The following CDHR2 variants were observed in gnomAD, a reference collection of about 807,000 sequenced individuals.
CDHR2 encodes cadherin related family member 2.
Under a neutral mutation model 138.6 loss-of-function variants are expected in CDHR2, and 104 were observed. The observed-to-expected ratio is 0.75, with a 90% CI of 0.64 to 0.88. The LOEUF is 0.88. Among genes scored for constraint, CDHR2 ranks in the 40% least tolerant of loss-of-function variants. CDHR2 has a pLI of 0.00. For missense variants in CDHR2, 1,624 were observed against 1,727.6 expected, an observed-to-expected ratio of 0.94 and a Z score of 1.06; for synonymous variants, 755 against 742.8, an observed-to-expected ratio of 1.02 and a Z score of -0.27.
rs768830867 is a variant in CDHR2 at position 176,578,530 on chromosome 5, C to T, written c.1740C>T (p.Asn580=). 9 of 1,614,168 alleles carry T rather than the reference C, an allele frequency of 5.6e-6. No individual in the cohort carries two copies. The highest frequency in any genetic ancestry group is 1.6e-4 in the Middle Eastern group (1 of 6,062). Residue 580 remains asparagine (N), a synonymous_variant, in exon 16 of 32, where the codon AAC becomes AAT. Transcript: ENST00000261944. Reference sequence around the variant, plus strand: ...TGCAGATCCACCTGCTGGACATCAACGACAATGCACCCGTGGTTAGCGGCT... The same window carrying T: ...TGCAGATCCACCTGCTGGACATCAATGACAATGCACCCGTGGTTAGCGGCT... ...TTLQIHLLDI[N]DNAPVVSGSY...
Position 176,584,809 on chromosome 5 carries a change from A to G in CDHR2, c.2528A>G (p.Glu843Gly), listed in dbSNP as rs1193878835. ...GATGTGGACACCAGTGCCCAGCTGG[A>G]GATACAGCTTGTGAACATTCTCTGC... The part of the protein sequence containing the change: ...ASDVDTSAQL[E>G]IQLVNILCTK... The change falls in exon 19 of 32, where the codon GAG (glutamate) becomes GGG (glycine). Residue 843 changes from glutamate to glycine, a missense_variant. By Grantham distance (98) the Glu-to-Gly change is moderately conservative. Coordinates refer to ENST00000261944, the MANE Select transcript of CDHR2 (RefSeq NM_017675.6). 1 of 1,614,096 alleles carries G rather than the reference A, an allele frequency of 6.2e-7. No homozygotes were observed. The highest frequency in any genetic ancestry group is 2.2e-5 in the East Asian group (1 of 44,888).
At position 176,590,159 on chromosome 5, in the gene CDHR2, A is replaced by C. The variant is rs766529131; in HGVS notation, c.3275+13A>C. The C allele has an allele frequency of 6.2e-7, 1 of 1,611,412 alleles. No individual in the cohort carries two copies. Among genetic ancestry groups the C allele is most frequent in the Non-Finnish European group, 8.5e-7 (1 of 1,177,802 alleles). On this transcript the variant is annotated intron_variant, in intron 25 of 31. Coordinates refer to ENST00000261944, the MANE Select transcript of CDHR2 (RefSeq NM_017675.6). The stretch of plus-strand genomic sequence containing the variant: ...ATTCTGCAGCTCGGTGAGTGCCCAG[A>C]GGCCTGGGGGTGGGGTTGAGGGGGA...
Position 176,589,273 on chromosome 5 carries a change from G to C in CDHR2, c.3009-57G>C, listed in dbSNP as rs546212859. The C allele has an allele frequency of 4.2e-4, 666 of 1,579,124 alleles. 4 individuals carry two copies. The African/African-American group carries it at 8.2e-3, about 19-fold the overall frequency. ...AGTCCCCCATCCTGGAGGTTACAAG[G>C]GTCCTGAGGATTCAGCTTGGGTTCC... On this transcript the variant is annotated intron_variant, in intron 22 of 31. Coordinates refer to ENST00000261944, the MANE Select transcript of CDHR2 (RefSeq NM_017675.6).
rs137860908 is a variant in CDHR2, at chr5:176,575,793, G to A, written c.914G>A (p.Arg305His). 8.5e-5 allele frequency: 132 copies of A among 1,558,434 alleles called. No individual in the cohort carries two copies. The highest frequency in any genetic ancestry group is 5.0e-4 in the Middle Eastern group (3 of 6,014). ...GVIRVNGSLDREQLLEADEEV... is the reference protein window; with the variant it reads ...GVIRVNGSLDHEQLLEADEEV... ...ATCAGGGTCAACGGCTCCCTGGACCGTGAGCAGCTGCTGGAGGCGGATGAG... is the reference window on the plus strand; with the variant it reads ...ATCAGGGTCAACGGCTCCCTGGACCATGAGCAGCTGCTGGAGGCGGATGAG... The change falls in exon 11 of 32, where the codon CGT (arginine) becomes CAT (histidine). Residue 305 changes from arginine (R) to histidine (H), a missense_variant. By Grantham distance (29) the Arg-to-His change is conservative (BLOSUM62 0). Transcript: ENST00000261944.
intron 16 of CDHR2, among the ~76,000 whole-genome samples, chr5:176,579,760 G>A (rs527598094): frequency 2.0e-5 from 3 of 152,238 alleles, no homozygotes; most frequent in East Asian, 1.9e-4. Flanking sequence ...TGGTTGAGTC[G>A]GAGTGGTCCC....
At chr5:176,577,336 G>A (rs1758407628) in intron 12 of CDHR2, 63 bp from the exon 13 acceptor site, 1 of 1,528,428 alleles carries the variant, frequency 6.5e-7, no homozygotes, top group Non-Finnish European at 8.9e-7. Context: ...CCTGGGGACT[G>A]GGGGAAGATG....
chr5:176,572,613 G>A (rs963717801), intron 6 of CDHR2, among the ~76,000 whole-genome samples: 1 of 152,140 alleles, frequency 6.6e-6, no homozygotes, highest in African/African-American at 2.4e-5. Flanking sequence ...GCAAGGGGGA[G>A]GAGTGGGGAC....
intron 14 of CDHR2, 23 bp from the exon 15 acceptor site, chr5:176,578,011 C>T: frequency 1.2e-6 from 2 of 1,603,372 alleles, no homozygotes. Context: ...CACACAGCAC[C>T]CTGCCATGTC....
chr5:176,584,643 G>T lies in CDHR2; in HGVS notation c.2362G>T (p.Gly788Cys), dbSNP rs146363520. 46 of 1,612,366 alleles carry T rather than the reference G, an allele frequency of 2.9e-5. No individual in the cohort carries two copies. Among genetic ancestry groups the T allele is most frequent in the Non-Finnish European group, 3.6e-5 (43 of 1,178,790 alleles). The change falls in exon 19 of 32, where the codon GGT becomes TGT. Residue 788 changes from glycine to cysteine, a missense_variant. By Grantham distance (159) the Gly-to-Cys change is radical. This residue lies in a region of CDHR2 where 1,061 missense variants were observed against 1,136.6 expected (regional missense o/e 0.93). Transcript: ENST00000261944. ...TGCTGAGAACCCAGACCCCCAGGGG[G>T]GTGAGACCATAGTAGACGTCTGCGT... ...VSAENPDPQG[G>C]ETIVDVCVNV...
At chr5:176,585,067 G>A (rs539993629) in intron 19 of CDHR2, 52 bp downstream of exon 19, 30 of 1,487,852 alleles carry the variant, frequency 2.0e-5, no homozygotes, top group East Asian at 5.0e-5. Context: ...TAGGGGCCGC[G>A]GGAAGGAGCC....
At chr5:176,595,831 C>T (rs564142639), downstream of CDHR2, 41 of 705,900 alleles carry the variant, frequency 5.8e-5, no homozygotes, top group African/African-American at 6.8e-4. Context: ...CCAATGTATA[C>T]TGTGACAGTT....
chr5:176,594,811 A>G (rs935894986), intron 31 of CDHR2, among the ~76,000 whole-genome samples: 8 of 152,010 alleles, frequency 5.3e-5, no homozygotes, highest in Non-Finnish European at 1.2e-4. Flanking sequence ...AGAGCAGCTG[A>G]GCTTGGGGGC....
At chr5:176,555,240 G>C (rs1757794646) in intron 1 of CDHR2, among the ~76,000 whole-genome samples, 1 of 152,192 alleles carries the variant, frequency 6.6e-6, no homozygotes, top group African/African-American at 2.4e-5. Flanking sequence ...CAAACATTTT[G>C]AAGCTTTGGG....
At position 176,590,595 on chromosome 5, in the gene CDHR2, G is replaced by C; in HGVS notation, c.3447G>C (p.Ser1149=). The C allele has an allele frequency of 1.2e-6, 2 of 1,614,014 alleles. No individual in the cohort carries two copies. Among genetic ancestry groups the C allele is most frequent in the South Asian group, 1.1e-5 (1 of 91,070 alleles). Residue 1149 remains serine (S), a synonymous_variant, in exon 28 of 32, where the codon TCG becomes TCC. Transcript: ENST00000261944. ...GSQESQESDL[S]KQLISVIIGL... is the part of the protein sequence containing the mutation. ...AGGAGAGCCAGGAGTCAGACCTGTC[G>C]AAACAGCTCATCAGTGTCATCATAG...
Position 176,578,767 on chromosome 5 carries a change from C to T in CDHR2, c.1818+159C>T, listed in dbSNP as rs188680698. ...TCCCAGGAAATGAAGAAAATTATAG[C>T]CTTACTCTCAGGGTCATTGGGGAAT... On this transcript the variant is annotated intron_variant, in intron 16 of 31. Coordinates refer to ENST00000261944, the MANE Select transcript of CDHR2 (RefSeq NM_017675.6). Among the ~76,000 whole-genome samples, 24 of 152,294 alleles carry T rather than the reference C, an allele frequency of 1.6e-4. No individual in the cohort carries two copies. The East Asian group carries it at 4.4e-3, about 28-fold the overall frequency.
intron 30 of CDHR2, 99 bp from the exon 31 acceptor site, chr5:176,592,609 GATGATGGTGGTAGTC>G: frequency 1.2e-6 from 1 of 807,384 alleles, no homozygotes. Flanking sequence ...TGGTGATGGT[GATGATGGTGGTAGTC>G]GTGGTGATGG....
Position 176,583,815 on chromosome 5 carries a change from C to T in CDHR2, c.2059-375C>T, listed in dbSNP as rs532492527. Among the ~76,000 whole-genome samples, 23 of 152,254 alleles carry T rather than the reference C, an allele frequency of 1.5e-4. No homozygotes were observed. In the South Asian group the frequency reaches 4.6e-3, roughly 30 times the overall value. The stretch of plus-strand genomic sequence containing the variant: ...TTGTGGACATATAATGGTATTGGTG[C>T]CAACACAATAAATCCGAGAGATGGG... On this transcript the variant is annotated intron_variant, in intron 17 of 31. Coordinates refer to ENST00000261944, the MANE Select transcript of CDHR2 (RefSeq NM_017675.6).
intron 6 of CDHR2, among the ~76,000 whole-genome samples, chr5:176,573,261 T>TG (rs199716990): frequency 6.7e-6 from 1 of 149,742 alleles, no homozygotes; most frequent in Non-Finnish European, 1.5e-5. Context: ...CTGGGCAGAA[T>TG]GGGGGGACTC....
intron 2 of CDHR2, 47 bp from the exon 3 acceptor site, chr5:176,565,625 G>A (rs368186127): frequency 5.9e-5 from 91 of 1,553,872 alleles, no homozygotes; most frequent in Non-Finnish European, 7.7e-5. Flanking sequence ...GTAGGGATCG[G>A]GTTTTGCAGG....
Sources: gnomAD v4.1 joint callset for allele counts (sites outside exome capture counted in the v4.1 genomes callset) on GRCh38, gnomAD v4.1.1 for gene constraint, gnomAD v4.1.1 regional missense constraint, MANE v1.5 for transcripts, NCBI Gene and HGNC (gene_info 2026-07-23, HGNC 2026-07-21) for gene names.